TMEM131L: variants seen among roughly 807,000 people sequenced by gnomAD.
TMEM131L encodes transmembrane protein 131-like.
TMEM131L carries 54 observed loss-of-function variants against 192.2 expected under a neutral mutation model. The ratio of observed to expected loss-of-function variants is 0.28; its 90% CI spans 0.23 to 0.35. The LOEUF is 0.35. Ranked by LOEUF, TMEM131L falls within the 10% of genes least tolerant of loss-of-function variation. The pLI, the probability that TMEM131L is intolerant of heterozygous loss-of-function variation, is 1.00. For synonymous variants in TMEM131L, 701 were observed against 704.9 expected (o/e 0.99, Z 0.09); for missense variants, 1,888 against 1,972.9 (o/e 0.96, Z 0.82).
At chr4:153,568,535 A>C (rs1047863434) in intron 7 of TMEM131L, among the ~76,000 whole-genome samples, 3 of 152,126 alleles carry the variant, frequency 2.0e-5, no homozygotes, top group African/African-American at 7.2e-5. Flanking sequence ...GTTTTTATGA[A>C]TTTTTCTGTA....
At chr4:153,546,184 C>T (rs1290192517) in intron 3 of TMEM131L, among the ~76,000 whole-genome samples, 1 of 151,828 alleles carries the variant, frequency 6.6e-6, no homozygotes, top group Non-Finnish European at 1.5e-5. Flanking sequence ...AGCCACTGCA[C>T]CCGGTCCATT....
At chr4:153,497,336 G>C (rs893075162) in intron 3 of TMEM131L, among the ~76,000 whole-genome samples, 6 of 152,122 alleles carry the variant, frequency 3.9e-5, no homozygotes, top group African/African-American at 1.4e-4. Flanking sequence ...CTGGCTTCCA[G>C]GACTTTGGGT....
At chr4:153,614,516 G>A (rs1732840851) in intron 26 of TMEM131L, among the ~76,000 whole-genome samples, 1 of 152,156 alleles carries the variant, frequency 6.6e-6, no homozygotes, top group African/African-American at 2.4e-5. Context: ...TTTCTGAGTT[G>A]GTGGGGGGCG....
intron 12 of TMEM131L, 41 bp from the exon 13 acceptor site, chr4:153,585,417 C>A: frequency 6.2e-7 from 1 of 1,602,424 alleles, no homozygotes; most frequent in Non-Finnish European, 8.5e-7. Flanking sequence ...GACTGTTGTC[C>A]CACACTCAGG....
intron 3 of TMEM131L, among the ~76,000 whole-genome samples, chr4:153,511,502 A>G (rs957807930): frequency 1.3e-5 from 2 of 152,192 alleles, no homozygotes; most frequent in African/African-American, 4.8e-5. Flanking sequence ...GAGGGAGAGT[A>G]TCAGGAAAAA....
intron 7 of TMEM131L, among the ~76,000 whole-genome samples, chr4:153,576,954 C>T (rs75862559): frequency 0.023 from 3,510 of 152,156 alleles, 105 homozygotes; most frequent in Middle Eastern, 0.085. Context: ...ATTGTGCATT[C>T]GAAGCACGAG....
At chr4:153,587,707 G>GT in intron 14 of TMEM131L, 35 bp from the exon 15 acceptor site, 1 of 1,464,692 alleles carries the variant, frequency 6.8e-7, no homozygotes, top group Non-Finnish European at 9.6e-7. Context: ...TTAGTGCTGT[G>GT]TTTTAAGTTA....
intron 3 of TMEM131L, among the ~76,000 whole-genome samples, chr4:153,474,341 T>A (rs1731375453): frequency 6.6e-6 from 1 of 152,144 alleles, no homozygotes; most frequent in Admixed American, 6.5e-5. Flanking sequence ...ATGGGCTCCT[T>A]TTGGGAGGTG....
intron 11 of TMEM131L, 69 bp downstream of exon 11, chr4:153,583,741 C>A: frequency 2.3e-6 from 2 of 882,330 alleles, no homozygotes; most frequent in Non-Finnish European, 3.7e-6. Context: ...ACTCTTTCTA[C>A]AACTACAGAT....
At chr4:153,541,038 T>C (rs1048978998) in intron 3 of TMEM131L, among the ~76,000 whole-genome samples, 1 of 152,208 alleles carries the variant, frequency 6.6e-6, no homozygotes, top group Non-Finnish European at 1.5e-5. Flanking sequence ...TTTGCAGATG[T>C]TATAATCACA....
chr4:153,504,266 C>CTTTTTTTT lies in TMEM131L; in HGVS notation c.239+30402_239+30409dup, dbSNP rs531620464. 7.7e-4 allele frequency among the ~76,000 whole-genome samples: 33 copies of CTTTTTTTT among 42,624 alleles called. 5 individuals are homozygous for CTTTTTTTT. The highest frequency in any genetic ancestry group is 3.1e-3 in the Admixed American group (12 of 3,814). The allele number at this position is 42,624 out of a possible 152,430, so 28.0% of individuals were successfully genotyped here. On this transcript the variant is annotated intron_variant, in intron 3 of 34. Transcript: ENST00000409959. ...ACGGGCGTGAGCCACCGCGGTCGGC[C>CTTTTTTTT]TTTTTTTTTTTTTTTTTTTTTTTTT...
chr4:153,632,019 A>G (rs1734243585), intron 31 of TMEM131L, among the ~76,000 whole-genome samples: 1 of 152,072 alleles, frequency 6.6e-6, no homozygotes, highest in Admixed American at 6.6e-5. Context: ...TCCTATCTTA[A>G]ATCATTGTAT....
intron 29 of TMEM131L, among the ~76,000 whole-genome samples, chr4:153,625,800 T>C (rs1733801459): frequency 6.6e-6 from 1 of 151,890 alleles, no homozygotes; most frequent in Non-Finnish European, 1.5e-5. Flanking sequence ...CCCACCTACT[T>C]GGGAGGCTGA....
intron 20 of TMEM131L, among the ~76,000 whole-genome samples, chr4:153,597,048 TTTGAG>T (rs1731488228): frequency 6.6e-6 from 1 of 152,140 alleles, no homozygotes; most frequent in Non-Finnish European, 1.5e-5. Flanking sequence ...ATAAATGACA[TTTGAG>T]TTATTTTTTC....
intron 19 of TMEM131L, 89 bp from the exon 20 acceptor site, chr4:153,596,169 G>T (rs1238326827): frequency 1.2e-5 from 18 of 1,443,908 alleles, no homozygotes; most frequent in Non-Finnish European, 1.4e-5. Context: ...TAAAAGAGAA[G>T]CAATCGTGTT....
chr4:153,605,710 A>G (rs1732184128), intron 25 of TMEM131L, among the ~76,000 whole-genome samples: 2 of 152,232 alleles, frequency 1.3e-5, no homozygotes, highest in South Asian at 4.1e-4. Context: ...CTTTTGTCTT[A>G]TTTGAAGCAT....
Position 153,630,317 on chromosome 4 carries a change from C to A in TMEM131L, c.4208-2401C>A, listed in dbSNP as rs1301859572. ...AGGAGCCTACGCAGCAGGATGAGGC[C>A]ACTTTGCAGTATTGACCTCAGCCAT... On this transcript the variant is annotated intron_variant, in intron 31 of 34. Coordinates refer to ENST00000409959, the MANE Select transcript of TMEM131L (RefSeq NM_001131007.2). 2.0e-5 allele frequency among the ~76,000 whole-genome samples: 3 copies of A among 152,184 alleles called. No homozygotes were observed. The East Asian group carries it at 5.8e-4, about 29-fold the overall frequency.
At chr4:153,526,136 C>G (rs1307081952) in intron 3 of TMEM131L, among the ~76,000 whole-genome samples, 1 of 152,122 alleles carries the variant, frequency 6.6e-6, no homozygotes, top group Non-Finnish European at 1.5e-5. Context: ...GGATTACAGG[C>G]GTGAGCCACC....
rs530430392 is a variant in TMEM131L at position 153,509,328 on chromosome 4, G to A, written c.239+35440G>A. On this transcript the variant is annotated intron_variant, in intron 3 of 34. Coordinates refer to ENST00000409959, the MANE Select transcript of TMEM131L (RefSeq NM_001131007.2). Reference sequence around the variant, plus strand: ...TGCAGTGAGCCATGATCCTGCCACCGCACTCTAACCTGGGTGACAAGAGCT... The same window carrying A: ...TGCAGTGAGCCATGATCCTGCCACCACACTCTAACCTGGGTGACAAGAGCT... 1.6e-3 allele frequency among the ~76,000 whole-genome samples: 240 copies of A among 151,204 alleles called. 1 individual carries two copies. Among genetic ancestry groups the A allele is most frequent in the African/African-American group, 5.5e-3 (228 of 41,144 alleles).
Sources: allele counts gnomAD v4.1 joint callset (sites outside exome capture counted in the v4.1 genomes callset), GRCh38; gene constraint gnomAD v4.1.1; transcripts MANE v1.5; gene names NCBI Gene and HGNC (gene_info 2026-07-23, HGNC 2026-07-21).